The following KIF6 variants were observed in gnomAD, a reference collection of about 807,000 sequenced individuals.
KIF6 encodes the protein kinesin family member 6.
A neutral mutation model predicts 112.7 loss-of-function variants in KIF6; 106 were observed. The ratio of observed to expected loss-of-function variants is 0.94; its 90% CI spans 0.80 to 1.11. The LOEUF (loss-of-function observed/expected upper bound fraction) is 1.11, where lower values mean the gene tolerates loss of function less well. Ranked by LOEUF, KIF6 falls within the 50% of genes least tolerant of loss-of-function variation. The pLI is 0.00. For synonymous variants in KIF6, 339 were observed against 339.9 expected, an observed-to-expected ratio of 1.00 and a Z score of 0.03; for missense variants, 929 against 964.0, an observed-to-expected ratio of 0.96 and a Z score of 0.48.
chr6:39,725,153 C>T (rs1044804002), intron 1 of KIF6, 92 bp downstream of exon 1: 3 of 1,109,920 alleles, frequency 2.7e-6, no homozygotes, highest in Non-Finnish European at 3.9e-6. Flanking sequence ...CCAGCAAGCC[C>T]CTCACCTCCG....
intron 13 of KIF6, among the ~76,000 whole-genome samples, chr6:39,470,893 G>A (rs1774083691): frequency 6.6e-6 from 1 of 151,052 alleles, no homozygotes; most frequent in African/African-American, 2.4e-5. Context: ...TCTTTAAGAT[G>A]ATCAGGTTTT....
At chr6:39,714,264 G>A (rs1218672945) in intron 3 of KIF6, among the ~76,000 whole-genome samples, 1 of 152,138 alleles carries the variant, frequency 6.6e-6, no homozygotes, top group African/African-American at 2.4e-5. Context: ...GCATCATTAG[G>A]CAGCCTCCCA....
At chr6:39,696,518 G>T (rs1561938253) in intron 3 of KIF6, among the ~76,000 whole-genome samples, 1 of 152,046 alleles carries the variant, frequency 6.6e-6, no homozygotes, top group Non-Finnish European at 1.5e-5. Flanking sequence ...CTGCCTACCT[G>T]CAGGTTTCTT....
intron 3 of KIF6, among the ~76,000 whole-genome samples, chr6:39,683,446 T>C (rs1787653157): frequency 1.3e-5 from 2 of 152,130 alleles, no homozygotes; most frequent in South Asian, 4.1e-4. Context: ...CAGATTTGGA[T>C]AAAGAGGATC....
chr6:39,454,630 T>C (rs1258728422), intron 13 of KIF6, among the ~76,000 whole-genome samples: 1 of 149,018 alleles, frequency 6.7e-6, no homozygotes, highest in Non-Finnish European at 1.5e-5. Flanking sequence ...CACTAGGGAG[T>C]GCCAGACAGT....
At chr6:39,537,910 C>T (rs556720240) in intron 13 of KIF6, among the ~76,000 whole-genome samples, 5 of 152,268 alleles carry the variant, frequency 3.3e-5, no homozygotes, top group East Asian at 3.9e-4. Flanking sequence ...AGAAATAATG[C>T]CGCATACCTA....
chr6:39,383,277 C>T (rs983782542), intron 16 of KIF6, among the ~76,000 whole-genome samples: 3 of 152,164 alleles, frequency 2.0e-5, no homozygotes, highest in Non-Finnish European at 4.4e-5. Context: ...AGGTTTTCTT[C>T]TAGAATTTTA....
Position 39,423,309 on chromosome 6 carries a change from G to A in KIF6, c.1755-3306C>T, listed in dbSNP as rs191468711. ...TGCCAGACAGGTACTTGCAGACCCT[G>A]GGGAAATGCTCTGTTATTGGCTTCC... On this transcript the variant is annotated intron_variant, in intron 14 of 22. Transcript: ENST00000287152. Among the ~76,000 whole-genome samples the A allele has an allele frequency of 5.3e-5, 8 of 152,244 alleles. No individual in the cohort carries two copies. The East Asian group carries it at 1.5e-3, about 29-fold the overall frequency.
At chr6:39,682,223 C>T (rs115307835) in intron 3 of KIF6, among the ~76,000 whole-genome samples, 2,750 of 152,248 alleles carry the variant, frequency 0.018, 26 homozygotes, top group Non-Finnish European at 0.027. Flanking sequence ...CTGTGAAATC[C>T]TTCATTTGGA....
At chr6:39,651,087 G>C (rs1014953119) in intron 3 of KIF6, among the ~76,000 whole-genome samples, 6 of 151,904 alleles carry the variant, frequency 3.9e-5, no homozygotes, top group African/African-American at 1.5e-4. Context: ...AAAACCCAAA[G>C]GGCTAATTTA....
chr6:39,386,962 T>C (rs755692158), intron 15 of KIF6, among the ~76,000 whole-genome samples: 20 of 152,178 alleles, frequency 1.3e-4, no homozygotes, highest in Non-Finnish European at 1.9e-4. Context: ...TCCAAGGCTA[T>C]AGCTGAATTG....
chr6:39,338,855 C>T (rs375706818), intron 22 of KIF6, among the ~76,000 whole-genome samples: 2 of 148,442 alleles, frequency 1.3e-5, no homozygotes, highest in Admixed American at 6.7e-5. Context: ...GGATTGTGAA[C>T]GCTGCCGGTG....
At chr6:39,449,602 C>A (rs78982590) in intron 13 of KIF6, among the ~76,000 whole-genome samples, 2 of 152,154 alleles carry the variant, frequency 1.3e-5, no homozygotes, top group African/African-American at 4.8e-5. Flanking sequence ...CACTTATCAC[C>A]CTCTGAAACC....
intron 6 of KIF6, among the ~76,000 whole-genome samples, chr6:39,596,878 G>A (rs886243551): frequency 6.6e-6 from 1 of 152,126 alleles, no homozygotes; most frequent in Non-Finnish European, 1.5e-5. Flanking sequence ...AGTTTAGCAT[G>A]GTTGCTGGAT....
intron 13 of KIF6, among the ~76,000 whole-genome samples, chr6:39,437,207 A>G (rs1771588050): frequency 6.6e-6 from 1 of 152,178 alleles, no homozygotes; most frequent in African/African-American, 2.4e-5. Flanking sequence ...TGATTTGTCT[A>G]CATTTATTTT....
intron 3 of KIF6, chr6:39,689,884 C>G (rs940115931): frequency 6.6e-6 from 1 of 152,218 alleles, no homozygotes; most frequent in African/African-American, 2.4e-5. Context: ...GAATTAAAAA[C>G]TTCAGGTGTC....
chr6:39,544,700 G>T lies in KIF6; in HGVS notation c.1288-7C>A. 1 of 1,559,238 alleles carries T rather than the reference G, an allele frequency of 6.4e-7. No homozygotes were observed. The highest frequency in any genetic ancestry group is 8.7e-7 in the Non-Finnish European group (1 of 1,148,558). On this transcript the variant is annotated splice_polypyrimidine_tract_variant and splice_region_variant and intron_variant, in intron 11 of 22. Coordinates refer to ENST00000287152, the MANE Select transcript of KIF6 (RefSeq NM_145027.6). ...TCTTGTCATTCAATAGTTTCTGTAAGATAAAATAAGAGCTTAGTACCCATA... is the reference window on the plus strand; with the variant it reads ...TCTTGTCATTCAATAGTTTCTGTAATATAAAATAAGAGCTTAGTACCCATA...
At chr6:39,649,755 A>AAGAG (rs1785369668) in intron 3 of KIF6, among the ~76,000 whole-genome samples, 1 of 101,210 alleles carries the variant, frequency 9.9e-6, no homozygotes, top group African/African-American at 2.8e-5. Context: ...GAAAGAAAGA[A>AAGAG]AGAAAGAAAG....
intron 15 of KIF6, among the ~76,000 whole-genome samples, chr6:39,413,385 T>C (rs957643243): frequency 1.6e-4 from 25 of 152,206 alleles, no homozygotes; most frequent in African/African-American, 2.4e-4. Context: ...TGGAGAAAGA[T>C]ACCTGCTCTA....
Sources: gnomAD v4.1 joint callset for allele counts (sites outside exome capture counted in the v4.1 genomes callset) on GRCh38, gnomAD v4.1.1 for gene constraint, MANE v1.5 for transcripts, NCBI Gene and HGNC (gene_info 2026-07-23, HGNC 2026-07-21) for gene names.